The following CDC14B variants were observed in gnomAD, a reference collection of about 807,000 sequenced individuals.
CDC14B encodes the protein dual specificity protein phosphatase CDC14B.
CDC14B carries 22 observed loss-of-function variants against 64.2 expected under a neutral mutation model. That is an observed-to-expected ratio of 0.34 (90% CI 0.24 to 0.49). The LOEUF (loss-of-function observed/expected upper bound fraction) is 0.49, where lower values mean the gene tolerates loss of function less well. Among genes scored for constraint, CDC14B ranks in the 20% least tolerant of loss-of-function variants. The pLI is 0.99. For synonymous variants in CDC14B, 191 were observed against 215.8 expected, an observed-to-expected ratio of 0.89 and a Z score of 1.01; for missense variants, 498 against 629.9, an observed-to-expected ratio of 0.79 and a Z score of 2.24.
chr9:96,499,607 G>A (rs370454390), downstream of CDC14B, among the ~76,000 whole-genome samples: 2 of 152,058 alleles, frequency 1.3e-5, no homozygotes, highest in East Asian at 1.9e-4. Flanking sequence ...CCTGGCAGCA[G>A]GAGCCCCCTG....
intron 9 of CDC14B, among the ~76,000 whole-genome samples, chr9:96,526,272 G>A (rs1329523866): frequency 1.3e-5 from 2 of 152,184 alleles, no homozygotes. Flanking sequence ...GGAGGCTGAG[G>A]CAGGAGAATG....
At chr9:96,613,698 T>C (rs1454822653) in intron 1 of CDC14B, among the ~76,000 whole-genome samples, 1 of 152,128 alleles carries the variant, frequency 6.6e-6, no homozygotes, top group African/African-American at 2.4e-5. Context: ...AGAAGAAAAA[T>C]GCACACTACA....
At chr9:96,574,851 C>T (rs1844708890) in intron 1 of CDC14B, among the ~76,000 whole-genome samples, 1 of 152,028 alleles carries the variant, frequency 6.6e-6, no homozygotes, top group Non-Finnish European at 1.5e-5. Flanking sequence ...AAGCACCATA[C>T]ATCAAAGAGA....
intron 7 of CDC14B, among the ~76,000 whole-genome samples, chr9:96,534,968 G>A (rs145206203): frequency 5.6e-4 from 86 of 152,238 alleles, no homozygotes; most frequent in African/African-American, 2.0e-3. Context: ...TTGACTCCAC[G>A]AATAAAGGGG....
intron 5 of CDC14B, among the ~76,000 whole-genome samples, chr9:96,542,493 T>G (rs1221403718): frequency 1.4e-5 from 2 of 147,184 alleles, no homozygotes; most frequent in South Asian, 2.1e-4. Flanking sequence ...AACTTCTGGG[T>G]TTTTTTTTTA....
At chr9:96,591,348 T>C (rs1331256168) in intron 1 of CDC14B, among the ~76,000 whole-genome samples, 1 of 152,222 alleles carries the variant, frequency 6.6e-6, no homozygotes, top group African/African-American at 2.4e-5. Context: ...AAACCATTTG[T>C]TGAAGACACA....
chr9:96,493,125 C>G (rs1833128155), exon 14 of CDC14B: 1 of 152,326 alleles, frequency 6.6e-6, no homozygotes, highest in Non-Finnish European at 1.5e-5. Context: ...CTGTGCGGTG[C>G]TGGCAGGTGC....
intron 4 of CDC14B, among the ~76,000 whole-genome samples, chr9:96,555,405 T>C (rs1221383663): frequency 6.6e-6 from 1 of 152,154 alleles, no homozygotes; most frequent in Admixed American, 6.5e-5. Context: ...CCCTTAGACA[T>C]GGACCCTCCA....
rs556951168 is a variant in CDC14B at position 96,516,831 on chromosome 9, G to A, written c.1343+5675C>T. On this transcript the variant is annotated intron_variant, in intron 12 of 13. Transcript: ENST00000375241. ...TTTGAGATGGAGTTTCACTCTTGTC[G>A]CCCAGGCTGGAGTGCAGTGGTGTGA... Among the ~76,000 whole-genome samples the A allele has an allele frequency of 8.7e-4, 131 of 151,248 alleles. 2 individuals carry two copies. The highest frequency in any genetic ancestry group is 3.4e-3 in the Middle Eastern group (1 of 292).
intron 12 of CDC14B, among the ~76,000 whole-genome samples, chr9:96,521,007 T>C (rs1836626436): frequency 6.6e-6 from 1 of 152,162 alleles, no homozygotes; most frequent in African/African-American, 2.4e-5. Context: ...AGACTTTTAA[T>C]AAGGAAATTA....
chr9:96,549,971 T>C (rs1841562152), intron 5 of CDC14B, among the ~76,000 whole-genome samples: 1 of 152,216 alleles, frequency 6.6e-6, no homozygotes, highest in Non-Finnish European at 1.5e-5. Context: ...CAGTGCGAAA[T>C]GTGTGAGCAT....
At chr9:96,591,520 C>CT (rs1384315980) in intron 1 of CDC14B, among the ~76,000 whole-genome samples, 3 of 151,206 alleles carry the variant, frequency 2.0e-5, no homozygotes, top group Non-Finnish European at 4.4e-5. Flanking sequence ...AAGCCTCTAG[C>CT]TTTTTTTTTC....
chr9:96,600,240 T>TTATATATATATA (rs376489232), intron 1 of CDC14B, among the ~76,000 whole-genome samples: 1 of 147,858 alleles, frequency 6.8e-6, no homozygotes, highest in Admixed American at 6.8e-5. Context: ...ACCAAAAAAA[T>TTATATATATATA]TATATATATA....
At chr9:96,587,314 C>T (rs920426707) in intron 1 of CDC14B, among the ~76,000 whole-genome samples, 3 of 152,224 alleles carry the variant, frequency 2.0e-5, no homozygotes, top group African/African-American at 4.8e-5. Flanking sequence ...GCCACTGCCA[C>T]ATGTGGGTAG....
At position 96,537,107 on chromosome 9, in the gene CDC14B, T is replaced by C. The variant is rs145213148; in HGVS notation, c.627+1971A>G. On this transcript the variant is annotated intron_variant, in intron 7 of 13. Coordinates refer to ENST00000375241, the MANE Select transcript of CDC14B (RefSeq NM_033331.4). ...GAGTTTGTGACCAGGCTGGGAAACA[T>C]GGCGAAATCCCATCTCTACAAAAAA... Among the ~76,000 whole-genome samples, 350 of 151,890 alleles carry C rather than the reference T, an allele frequency of 2.3e-3. 5 individuals are homozygous for C. Among genetic ancestry groups the C allele is most frequent in the African/African-American group, 8.0e-3 (330 of 41,416 alleles).
At chr9:96,508,641 T>C (rs1834500405) in intron 13 of CDC14B, among the ~76,000 whole-genome samples, 1 of 152,214 alleles carries the variant, frequency 6.6e-6, no homozygotes, top group Admixed American at 6.5e-5. Flanking sequence ...CACTGCTGCA[T>C]CCCCATGCGA....
chr9:96,542,004 AG>A, intron 5 of CDC14B, 112 bp from the exon 6 acceptor site: 1 of 603,858 alleles, frequency 1.7e-6, no homozygotes, highest in Non-Finnish European at 2.8e-6. Context: ...ACCATTATCA[AG>A]AAGAAAAAAA....
intron 13 of CDC14B, 94 bp from the exon 14 acceptor site, chr9:96,503,883 T>C (rs1476250238): frequency 1.0e-6 from 1 of 953,496 alleles, no homozygotes; most frequent in African/African-American, 1.6e-5. Flanking sequence ...ATAAAAATAC[T>C]GACATGCTAA....
At chr9:96,586,290 A>G (rs991032316) in intron 1 of CDC14B, among the ~76,000 whole-genome samples, 1 of 152,208 alleles carries the variant, frequency 6.6e-6, no homozygotes, top group African/African-American at 2.4e-5. Context: ...TCTTGACCTT[A>G]GTATCTGTTA....
Sources: gnomAD v4.1 joint callset for allele counts (sites outside exome capture counted in the v4.1 genomes callset) on GRCh38, gnomAD v4.1.1 for gene constraint, MANE v1.5 for transcripts, NCBI Gene and HGNC (gene_info 2026-07-23, HGNC 2026-07-21) for gene names.